PTPRM: variants seen among roughly 807,000 people sequenced by gnomAD.
PTPRM encodes protein tyrosine phosphatase receptor type M, also known as receptor-type tyrosine-protein phosphatase mu.
Under a neutral mutation model 186.7 loss-of-function variants are expected in PTPRM, and 47 were observed. The observed-to-expected ratio is 0.25, with a 90% CI of 0.20 to 0.32. PTPRM has a LOEUF of 0.32. Among genes scored for constraint, PTPRM ranks in the 10% least tolerant of loss-of-function variants. The pLI is 1.00. For missense variants in PTPRM, 1,494 were observed against 1,865.0 expected, an observed-to-expected ratio of 0.80 and a Z score of 3.66; for synonymous variants, 668 against 674.9, an observed-to-expected ratio of 0.99 and a Z score of 0.16.
rs1428798852 is a variant in PTPRM, at chr18:8,075,278, ATC to A, written c.1442-1175_1442-1174del. 3.5e-5 allele frequency among the ~76,000 whole-genome samples: 5 copies of A among 143,238 alleles called. No homozygotes were observed. In the East Asian group the frequency reaches 7.9e-4, roughly 23 times the overall value. 94.0% of individuals were successfully genotyped at this position (143,238 alleles called of 152,430 possible). On this transcript the variant is annotated intron_variant, in intron 8 of 32. Transcript: ENST00000580170. Reference sequence around the variant, plus strand: ...TATATCTATCTATCTATATATATATATCTTTATCTATGTAAAGATATATATGT... The same window carrying A: ...TATATCTATCTATCTATATATATATATTTATCTATGTAAAGATATATATGT...
At chr18:8,105,434 A>C (rs151107846) in intron 11 of PTPRM, among the ~76,000 whole-genome samples, 140 of 152,316 alleles carry the variant, frequency 9.2e-4, no homozygotes, top group African/African-American at 3.3e-3. Flanking sequence ...TTTGTTCTTT[A>C]AGAACCTTTG....
chr18:7,743,643 T>G (rs1402672836), intron 1 of PTPRM, among the ~76,000 whole-genome samples: 1 of 152,228 alleles, frequency 6.6e-6, no homozygotes, highest in Non-Finnish European at 1.5e-5. Context: ...AGTGCAGGAT[T>G]AAGCATGTAG....
At chr18:8,391,831 A>T (rs656068) in intron 31 of PTPRM, among the ~76,000 whole-genome samples, 1 of 152,094 alleles carries the variant, frequency 6.6e-6, no homozygotes, top group African/African-American at 2.4e-5. Flanking sequence ...ACAAGGGACA[A>T]CCAGATATTT....
rs577526048 is a variant in PTPRM at position 7,607,763 on chromosome 18, G to A, written c.73+39872G>A. 5.3e-5 allele frequency among the ~76,000 whole-genome samples: 8 copies of A among 152,318 alleles called. No individual in the cohort carries two copies. The East Asian group carries it at 5.8e-4, about 11-fold the overall frequency. ...TCCTAAAATAAGTGTCCTGGATGCC[G>A]TAGGCAAGCCACTCATTCCTCGCTC... On this transcript the variant is annotated intron_variant, in intron 1 of 32. Coordinates refer to ENST00000580170, the MANE Select transcript of PTPRM (RefSeq NM_001105244.2).
intron 7 of PTPRM, among the ~76,000 whole-genome samples, chr18:7,988,812 T>C (rs562821730): frequency 1.3e-5 from 2 of 152,314 alleles, no homozygotes; most frequent in African/African-American, 4.8e-5. Flanking sequence ...CTTTCACCTG[T>C]TGATGGGCAT....
chr18:8,183,049 C>A (rs1267608700), intron 14 of PTPRM, among the ~76,000 whole-genome samples: 1 of 152,198 alleles, frequency 6.6e-6, no homozygotes, highest in Non-Finnish European at 1.5e-5. Flanking sequence ...CCAGACTCAG[C>A]TACAGTTAAG....
chr18:7,743,191 T>C (rs533500039), intron 1 of PTPRM, among the ~76,000 whole-genome samples: 2 of 152,338 alleles, frequency 1.3e-5, no homozygotes, highest in African/African-American at 4.8e-5. Flanking sequence ...TGGCCGCTGA[T>C]TGTCACTTAG....
At chr18:7,747,913 G>A (rs545921632) in intron 1 of PTPRM, among the ~76,000 whole-genome samples, 1 of 152,284 alleles carries the variant, frequency 6.6e-6, no homozygotes, top group African/African-American at 2.4e-5. Context: ...TATAAGGAAT[G>A]TATGAAAAGT....
intron 14 of PTPRM, among the ~76,000 whole-genome samples, chr18:8,159,809 C>A (rs1181286359): frequency 6.6e-6 from 1 of 152,200 alleles, no homozygotes. Context: ...AAATACTCTT[C>A]TTTCATGCAA....
chr18:8,285,296 A>C (rs190322399), intron 19 of PTPRM, among the ~76,000 whole-genome samples: 2 of 152,330 alleles, frequency 1.3e-5, no homozygotes, highest in African/African-American at 4.8e-5. Flanking sequence ...TCACACAGTT[A>C]GGAATCAGTC....
At chr18:7,872,571 A>G (rs2048034908) in intron 2 of PTPRM, among the ~76,000 whole-genome samples, 1 of 152,204 alleles carries the variant, frequency 6.6e-6, no homozygotes, top group Non-Finnish European at 1.5e-5. Flanking sequence ...ACCCAAGATA[A>G]TCAGTGGTAT....
chr18:7,636,636 A>G (rs1442110490), intron 1 of PTPRM, among the ~76,000 whole-genome samples: 1 of 152,124 alleles, frequency 6.6e-6, no homozygotes, highest in East Asian at 1.9e-4. Context: ...TCAGTACAGG[A>G]CAGAGGAGGC....
At chr18:7,791,639 C>T (rs1161598585) in intron 2 of PTPRM, among the ~76,000 whole-genome samples, 1 of 152,086 alleles carries the variant, frequency 6.6e-6, no homozygotes, top group Non-Finnish European at 1.5e-5. Flanking sequence ...GTTGGATGCA[C>T]AGAAGAAGAA....
intron 1 of PTPRM, among the ~76,000 whole-genome samples, chr18:7,689,833 T>G (rs2039694973): frequency 6.6e-6 from 1 of 152,238 alleles, no homozygotes; most frequent in South Asian, 2.1e-4. Context: ...TAATTCATAT[T>G]GGTGGTTTAC....
At chr18:7,889,363 G>C (rs1423443513) in intron 3 of PTPRM, among the ~76,000 whole-genome samples, 1 of 134,088 alleles carries the variant, frequency 7.5e-6, no homozygotes, top group Non-Finnish European at 1.5e-5. Flanking sequence ...TTGAGACTGG[G>C]ACTCGTTCCA....
intron 3 of PTPRM, among the ~76,000 whole-genome samples, chr18:7,897,902 G>A (rs80332941): frequency 6.8e-4 from 103 of 152,248 alleles, no homozygotes; most frequent in African/African-American, 2.4e-3. Context: ...AGTGAGGAAG[G>A]TTGTGTTATT....
chr18:7,691,786 AC>A (rs2039739199), intron 1 of PTPRM, among the ~76,000 whole-genome samples: 2 of 152,152 alleles, frequency 1.3e-5, no homozygotes, highest in Non-Finnish European at 2.9e-5. Flanking sequence ...AAACAAAAAA[AC>A]AATTGGTCAT....
intron 14 of PTPRM, among the ~76,000 whole-genome samples, chr18:8,204,283 G>T (rs1398828277): frequency 6.6e-6 from 1 of 152,038 alleles, no homozygotes; most frequent in Non-Finnish European, 1.5e-5. Flanking sequence ...CATACTTTGG[G>T]AGGTATTTTA....
intron 2 of PTPRM, among the ~76,000 whole-genome samples, chr18:7,844,420 A>C (rs561656833): frequency 6.6e-6 from 1 of 152,156 alleles, no homozygotes; most frequent in East Asian, 1.9e-4. Context: ...CAGCTTCTCA[A>C]ATATAGATCT....
Sources: allele counts gnomAD v4.1 joint callset (sites outside exome capture counted in the v4.1 genomes callset), GRCh38; gene constraint gnomAD v4.1.1; transcripts MANE v1.5; gene names NCBI Gene and HGNC (gene_info 2026-07-23, HGNC 2026-07-21).